Variants in TMEM267 observed in about 807,000 individuals in gnomAD.
TMEM267 encodes the protein transmembrane protein C5orf28.
A neutral mutation model predicts 19.3 loss-of-function variants in TMEM267; 20 were observed. The ratio of observed to expected loss-of-function variants is 1.04; its 90% CI spans 0.73 to 1.51. The LOEUF (loss-of-function observed/expected upper bound fraction) is 1.51. TMEM267 is among the 40% of genes most tolerant of loss of function. The probability of loss-of-function intolerance (pLI) is 0.00; values close to 1 mark genes in which losing one functional copy is unlikely to be tolerated. For synonymous variants in TMEM267, 88 were observed against 90.3 expected (o/e 0.97, Z 0.15); for missense variants, 242 against 261.9 (o/e 0.92, Z 0.52).
chr5:43,462,962 GAC>G (rs1171778339), intron 1 of TMEM267, among the ~76,000 whole-genome samples: 1 of 152,030 alleles, frequency 6.6e-6, no homozygotes, highest in Non-Finnish European at 1.5e-5. Flanking sequence ...AGGAAATAGA[GAC>G]ACAAAAAACT....
chr5:43,456,914 T>C (rs889811684), intron 1 of TMEM267, among the ~76,000 whole-genome samples: 1 of 152,262 alleles, frequency 6.6e-6, no homozygotes, highest in South Asian at 2.1e-4. Flanking sequence ...CAAAAGCTTA[T>C]GTGTACACAA....
At chr5:43,469,370 T>G (rs991699945) in intron 1 of TMEM267, among the ~76,000 whole-genome samples, 3 of 152,154 alleles carry the variant, frequency 2.0e-5, no homozygotes, top group African/African-American at 7.2e-5. Flanking sequence ...AATAAAATAC[T>G]AGCAAACTGA....
intron 1 of TMEM267, among the ~76,000 whole-genome samples, chr5:43,481,844 T>C (rs534192886): frequency 6.6e-6 from 1 of 152,176 alleles, no homozygotes; most frequent in Non-Finnish European, 1.5e-5. Context: ...TGTTTTTTGT[T>C]TGTTTGTGTT....
chr5:43,461,884 A>G (rs941119016), intron 1 of TMEM267, among the ~76,000 whole-genome samples: 15 of 152,198 alleles, frequency 9.9e-5, no homozygotes, highest in East Asian at 3.8e-4. Flanking sequence ...AAGGAAGGAC[A>G]TAGGCCTGGC....
intron 1 of TMEM267, among the ~76,000 whole-genome samples, chr5:43,454,914 T>A (rs1742856594): frequency 6.6e-6 from 1 of 152,232 alleles, no homozygotes. Flanking sequence ...GTGTGACACA[T>A]GAAGTTTTTT....
intron 2 of TMEM267, 151 bp from the exon 3 acceptor site, chr5:43,446,708 T>TTA (rs1457373429): frequency 1.3e-5 from 6 of 457,770 alleles, no homozygotes; most frequent in South Asian, 4.7e-5. Flanking sequence ...TATACCAAAA[T>TTA]TATATATATA....
chr5:43,478,994 T>G (rs567188099), intron 1 of TMEM267, among the ~76,000 whole-genome samples: 1 of 152,138 alleles, frequency 6.6e-6, no homozygotes, highest in Non-Finnish European at 1.5e-5. Context: ...TGATGCTACA[T>G]TTCCAATTCC....
chr5:43,463,584 C>T (rs1001589303), intron 1 of TMEM267, among the ~76,000 whole-genome samples: 8 of 152,048 alleles, frequency 5.3e-5, no homozygotes, highest in African/African-American at 1.2e-4. Context: ...CAAAAATCCA[C>T]CCCACCATGA....
intron 1 of TMEM267, among the ~76,000 whole-genome samples, chr5:43,463,474 G>T (rs904681872): frequency 3.9e-5 from 6 of 152,154 alleles, no homozygotes; most frequent in African/African-American, 1.4e-4. Context: ...AAGCCTGGCA[G>T]AGACACAACC....
intron 1 of TMEM267, among the ~76,000 whole-genome samples, chr5:43,474,301 C>T (rs765331660): frequency 1.1e-4 from 17 of 152,226 alleles, no homozygotes; most frequent in Non-Finnish European, 1.6e-4. Flanking sequence ...GCAAAAGAAA[C>T]GATCATCAGA....
intron 1 of TMEM267, among the ~76,000 whole-genome samples, chr5:43,456,348 A>G (rs996178854): frequency 2.0e-5 from 3 of 152,228 alleles, no homozygotes; most frequent in Non-Finnish European, 4.4e-5. Flanking sequence ...AAAAAAACAT[A>G]AAGTATTTTT....
chr5:43,448,464 G>C (rs532203612), intron 2 of TMEM267, among the ~76,000 whole-genome samples: 1 of 152,090 alleles, frequency 6.6e-6, no homozygotes, highest in African/African-American at 2.4e-5. Context: ...GCTAGTATAG[G>C]AGGAAAATCA....
At chr5:43,468,609 A>T (rs1392084702) in intron 1 of TMEM267, among the ~76,000 whole-genome samples, 3 of 152,300 alleles carry the variant, frequency 2.0e-5, no homozygotes, top group African/African-American at 4.8e-5. Flanking sequence ...TGTCATCAGG[A>T]CTTCCTGAGG....
At chr5:43,477,277 A>C (rs1744485388) in intron 1 of TMEM267, among the ~76,000 whole-genome samples, 2 of 151,946 alleles carry the variant, frequency 1.3e-5, no homozygotes, top group African/African-American at 2.4e-5. Flanking sequence ...CTATCCCTCA[A>C]GAACTTCAGT....
At chr5:43,454,812 A>G (rs1742849635) in intron 1 of TMEM267, among the ~76,000 whole-genome samples, 1 of 152,204 alleles carries the variant, frequency 6.6e-6, no homozygotes, top group South Asian at 2.1e-4. Flanking sequence ...CTTAATTGAT[A>G]TAAAAATGCA....
intron 1 of TMEM267, among the ~76,000 whole-genome samples, chr5:43,483,539 G>T (rs987354165): frequency 3.9e-5 from 6 of 152,194 alleles, no homozygotes; most frequent in Non-Finnish European, 7.3e-5. Context: ...GGAGGGCTGG[G>T]GTTCTAGGGA....
intron 1 of TMEM267, among the ~76,000 whole-genome samples, chr5:43,462,158 C>A (rs1444166299): frequency 6.6e-6 from 1 of 152,186 alleles, no homozygotes; most frequent in Non-Finnish European, 1.5e-5. Context: ...CCAGAGAATT[C>A]TCCCATATCT....
intron 1 of TMEM267, among the ~76,000 whole-genome samples, chr5:43,477,585 C>T (rs572163637): frequency 3.1e-5 from 4 of 130,230 alleles, no homozygotes; most frequent in African/African-American, 6.3e-5. Context: ...AGTGAGACTC[C>T]GTCTCAAAAA....
At chr5:43,462,305 A>T (rs139141798) in intron 1 of TMEM267, among the ~76,000 whole-genome samples, 339 of 152,316 alleles carry the variant, frequency 2.2e-3, no homozygotes, top group African/African-American at 7.8e-3. Context: ...AACCTTCCCA[A>T]GAAGGACGGG....
Sources: gnomAD v4.1 joint callset for allele counts (sites outside exome capture counted in the v4.1 genomes callset) on GRCh38, gnomAD v4.1.1 for gene constraint, MANE v1.5 for transcripts, NCBI Gene and HGNC (gene_info 2026-07-23, HGNC 2026-07-21) for gene names.